The following SLC30A7 variants were observed in gnomAD, a reference collection of about 807,000 sequenced individuals.
SLC30A7 encodes the protein zinc transporter 7.
SLC30A7 carries 35 observed loss-of-function variants against 46.0 expected under a neutral mutation model. The observed-to-expected ratio is 0.76, with a 90% CI of 0.58 to 1.01. The LOEUF (loss-of-function observed/expected upper bound fraction) is 1.01. SLC30A7 is among the 50% of genes least tolerant of loss of function. SLC30A7 has a pLI of 0.00. For missense variants in SLC30A7, 464 were observed against 451.1 expected (o/e 1.03, Z -0.26); for synonymous variants, 147 against 157.8 (o/e 0.93, Z 0.51).
rs150873909 is a variant in SLC30A7, at chr1:100,951,864, A to G, written c.843-9964A>G. On this transcript the variant is annotated intron_variant, in intron 8 of 10. Transcript: ENST00000357650. Reference sequence around the variant, plus strand: ...AATATATTACCTTACTTCACAAAAGAGACTTTTCAGATGTAATTAAGTTAA... The same window carrying G: ...AATATATTACCTTACTTCACAAAAGGGACTTTTCAGATGTAATTAAGTTAA... Among the ~76,000 whole-genome samples, 1,104 of 152,316 alleles carry G rather than the reference A, an allele frequency of 7.2e-3. 19 individuals carry two copies. The highest frequency in any genetic ancestry group is 0.023 in the African/African-American group (968 of 41,560).
intron 2 of SLC30A7, among the ~76,000 whole-genome samples, chr1:100,905,923 CT>C (rs1301134983): frequency 6.6e-6 from 1 of 152,118 alleles, no homozygotes; most frequent in African/African-American, 2.4e-5. Context: ...ATGAGTCTCT[CT>C]TTTTTTCTTT....
intron 8 of SLC30A7, among the ~76,000 whole-genome samples, chr1:100,931,844 C>T (rs1400267001): frequency 6.6e-6 from 1 of 152,192 alleles, no homozygotes; most frequent in African/African-American, 2.4e-5. Flanking sequence ...AAACATCAAA[C>T]ATACTGTATT....
intron 8 of SLC30A7, among the ~76,000 whole-genome samples, chr1:100,943,551 C>T (rs1654469851): frequency 6.6e-6 from 1 of 152,212 alleles, no homozygotes; most frequent in Non-Finnish European, 1.5e-5. Context: ...CTCTCCCTAT[C>T]TGGATCTTTC....
At chr1:100,988,667 G>A in the SLC30A7 span, among the ~76,000 whole-genome samples, 1 of 151,832 alleles carries the variant, frequency 6.6e-6, no homozygotes, top group Admixed American at 6.6e-5. Flanking sequence ...CCAACATGGC[G>A]AAACCCCATC....
intron 10 of SLC30A7, among the ~76,000 whole-genome samples, chr1:100,970,698 AT>A (rs1485568465): frequency 6.7e-6 from 1 of 148,210 alleles, no homozygotes; most frequent in African/African-American, 2.5e-5. Flanking sequence ...AAAAAAAAAA[AT>A]GGGATACTAG....
chr1:100,896,519 C>T (rs1431654840), intron 1 of SLC30A7, 51 bp from the exon 2 acceptor site: 3 of 1,551,230 alleles, frequency 1.9e-6, no homozygotes, highest in South Asian at 1.1e-5. Flanking sequence ...GCCTCGGGGT[C>T]CCGGCACCTC....
intron 8 of SLC30A7, among the ~76,000 whole-genome samples, chr1:100,955,753 T>C (rs761392889): frequency 6.6e-6 from 1 of 152,116 alleles, no homozygotes; most frequent in Non-Finnish European, 1.5e-5. Flanking sequence ...AACACAATTT[T>C]AAAAGGCAAA....
At chr1:100,920,101 A>G (rs1652845660) in intron 7 of SLC30A7, among the ~76,000 whole-genome samples, 1 of 152,088 alleles carries the variant, frequency 6.6e-6, no homozygotes, top group African/African-American at 2.4e-5. Context: ...TTAGCAAATA[A>G]ATGGTAGCCA....
Position 100,944,417 on chromosome 1 carries a change from G to A in SLC30A7, c.843-17411G>A, listed in dbSNP as rs560100132. ...CTTCAAAGAAAAGTAAGTCAAAAAC[G>A]TGAAAAGCATATTGAGATTTTTTAA... On this transcript the variant is annotated intron_variant, in intron 8 of 10. Coordinates refer to ENST00000357650, the MANE Select transcript of SLC30A7 (RefSeq NM_133496.5). Among the ~76,000 whole-genome samples the A allele has an allele frequency of 1.9e-4, 29 of 152,186 alleles. 1 individual carries two copies. The East Asian group carries it at 2.1e-3, about 11-fold the overall frequency.
chr1:100,903,080 T>TA (rs1316478879), intron 2 of SLC30A7, among the ~76,000 whole-genome samples: 4 of 152,012 alleles, frequency 2.6e-5, no homozygotes, highest in African/African-American at 9.7e-5. Flanking sequence ...CATTAAGAAA[T>TA]AAAAACATTT....
chr1:100,982,425 T>C (rs537972077), downstream of SLC30A7, among the ~76,000 whole-genome samples: 72 of 152,236 alleles, frequency 4.7e-4, no homozygotes, highest in Non-Finnish European at 8.7e-4. Flanking sequence ...GTCACATTCA[T>C]GGCAGAACTA....
intron 8 of SLC30A7, among the ~76,000 whole-genome samples, chr1:100,925,944 A>G (rs1653272298): frequency 6.6e-6 from 1 of 152,154 alleles, no homozygotes. Flanking sequence ...GAATGCCACA[A>G]TTCCCACCCC....
chr1:100,954,746 A>G lies in SLC30A7; in HGVS notation c.843-7082A>G, dbSNP rs184519972. On this transcript the variant is annotated intron_variant, in intron 8 of 10. Transcript: ENST00000357650. Reference sequence around the variant, plus strand: ...GATAAGATTTTTGGTTATCTATTCTATAGAAGGCTTATGAAATTCTGGATT... The same window carrying G: ...GATAAGATTTTTGGTTATCTATTCTGTAGAAGGCTTATGAAATTCTGGATT... 1.3e-3 allele frequency among the ~76,000 whole-genome samples: 197 copies of G among 152,218 alleles called. 2 individuals are homozygous for G. The Middle Eastern group carries it at 0.024, about 18-fold the overall frequency.
chr1:100,901,845 T>C (rs900086764), intron 2 of SLC30A7, among the ~76,000 whole-genome samples: 2 of 152,260 alleles, frequency 1.3e-5, no homozygotes, highest in African/African-American at 2.4e-5. Context: ...CTACGACAAG[T>C]AAGTGGATTT....
intron 2 of SLC30A7, among the ~76,000 whole-genome samples, chr1:100,902,254 G>A (rs1348549523): frequency 6.6e-6 from 1 of 151,970 alleles, no homozygotes; most frequent in Non-Finnish European, 1.5e-5. Flanking sequence ...ATTTTATTAA[G>A]TACTAAAAAT....
intron 8 of SLC30A7, among the ~76,000 whole-genome samples, chr1:100,936,076 A>AT (rs1653943557): frequency 6.7e-6 from 1 of 149,892 alleles, no homozygotes; most frequent in Admixed American, 6.6e-5. Context: ...TCTTCTTTTC[A>AT]TTTTTCTTTT....
chr1:100,993,559 A>AATATAAATAT, the SLC30A7 span, among the ~76,000 whole-genome samples: 3 of 56,546 alleles, frequency 5.3e-5, no homozygotes, highest in Non-Finnish European at 6.9e-5. Context: ...CGAAAATATA[A>AATATAAATAT]ATATATATAT....
chr1:100,903,419 AGT>A (rs1314138592), intron 2 of SLC30A7, among the ~76,000 whole-genome samples: 1 of 152,240 alleles, frequency 6.6e-6, no homozygotes, highest in East Asian at 1.9e-4. Flanking sequence ...TTATGGTTCA[AGT>A]GTGTAATTTT....
Position 100,921,772 on chromosome 1 carries a change from T to C in SLC30A7, c.773T>C (p.Met258Thr). The change falls in exon 8 of 11, where the codon ATG (methionine) becomes ACG (threonine). Residue 258 changes from methionine to threonine, a missense_variant. Physicochemically the swap from Met to Thr is moderately conservative, Grantham distance 81 (BLOSUM62 -1). Transcript: ENST00000357650. ...SIGVIASAIM[M>T]QNFGLMIADP... ...GGTGTAATTGCTTCTGCCATCATGA[T>C]GCAAAATTTTGGTCTGATGATAGCA... The C allele has an allele frequency of 1.2e-6, 2 of 1,612,902 alleles. No homozygotes were observed. The highest frequency in any genetic ancestry group is 1.7e-6 in the Non-Finnish European group (2 of 1,179,268).
Sources: allele counts gnomAD v4.1 joint callset (sites outside exome capture counted in the v4.1 genomes callset), GRCh38; gene constraint gnomAD v4.1.1; transcripts MANE v1.5; gene names NCBI Gene and HGNC (gene_info 2026-07-23, HGNC 2026-07-21).